The following SPOCK1 variants were observed in gnomAD, a reference collection of about 807,000 sequenced individuals.
SPOCK1 encodes testican-1.
In SPOCK1, 23 loss-of-function variants were observed where a neutral mutation model predicts 55.3. The ratio of observed to expected loss-of-function variants is 0.42; its 90% CI spans 0.30 to 0.59. The LOEUF (loss-of-function observed/expected upper bound fraction) is 0.59, where lower values mean the gene tolerates loss of function less well. SPOCK1 is among the 20% of genes least tolerant of loss of function. SPOCK1 has a pLI of 0.22. For synonymous variants in SPOCK1, 226 were observed against 221.0 expected (o/e 1.02, Z -0.20); for missense variants, 499 against 552.5 (o/e 0.90, Z 0.97).
intron 3 of SPOCK1, among the ~76,000 whole-genome samples, chr5:137,244,240 T>C (rs1756351909): frequency 6.6e-6 from 1 of 152,234 alleles, no homozygotes. Flanking sequence ...AAGAGTCTGC[T>C]AGTGGCACAG....
intron 2 of SPOCK1, among the ~76,000 whole-genome samples, chr5:137,327,681 G>T (rs1041534394): frequency 6.6e-6 from 1 of 152,130 alleles, no homozygotes. Flanking sequence ...CTCAGACAAA[G>T]CAAATAACCA....
chr5:137,048,865 G>A (rs1477264319), intron 6 of SPOCK1, among the ~76,000 whole-genome samples: 1 of 74,414 alleles, frequency 1.3e-5, no homozygotes, highest in Non-Finnish European at 2.6e-5. Context: ...GCATTTGCTT[G>A]TCTATAAAGT....
intron 5 of SPOCK1, among the ~76,000 whole-genome samples, chr5:137,094,222 C>A (rs1229801239): frequency 1.3e-5 from 2 of 152,122 alleles, no homozygotes; most frequent in Non-Finnish European, 2.9e-5. Context: ...AAATCAGGAG[C>A]TCTGTTTTGG....
intron 3 of SPOCK1, among the ~76,000 whole-genome samples, chr5:137,211,353 C>A (rs976333954): frequency 2.0e-5 from 3 of 152,138 alleles, no homozygotes; most frequent in African/African-American, 7.2e-5. Context: ...AAATACAGGG[C>A]ACCTACCTCA....
chr5:137,475,364 T>A (rs1301549990), intron 2 of SPOCK1, among the ~76,000 whole-genome samples: 1 of 152,036 alleles, frequency 6.6e-6, no homozygotes, highest in Admixed American at 6.6e-5. Context: ...AAATTCAATA[T>A]CTCACAGATC....
intron 3 of SPOCK1, among the ~76,000 whole-genome samples, chr5:137,260,432 T>C (rs1407305902): frequency 6.6e-6 from 1 of 152,160 alleles, no homozygotes; most frequent in Non-Finnish European, 1.5e-5. Flanking sequence ...AATAAACAGA[T>C]TAGAGAGGGA....
chr5:137,447,834 C>T (rs11948441), intron 2 of SPOCK1, among the ~76,000 whole-genome samples: 42,838 of 152,162 alleles, frequency 0.28, 6,100 homozygotes, highest in Middle Eastern at 0.36. Flanking sequence ...AAAACATCAG[C>T]AACCTCGAGG....
At chr5:137,394,924 A>T (rs17171382) in intron 2 of SPOCK1, among the ~76,000 whole-genome samples, 27,390 of 152,174 alleles carry the variant, frequency 0.18, 2,931 homozygotes, top group African/African-American at 0.28. Context: ...GTACAATGTT[A>T]CTCAGGGAAA....
chr5:137,378,755 T>C (rs185809142), intron 2 of SPOCK1, among the ~76,000 whole-genome samples: 5 of 152,314 alleles, frequency 3.3e-5, no homozygotes, highest in Non-Finnish European at 5.9e-5. Flanking sequence ...CTGTTTTATA[T>C]AGACTAGCTA....
rs368399679 is a variant in SPOCK1, at chr5:137,410,643, C to T, written c.186+87730G>A. Among the ~76,000 whole-genome samples the T allele has an allele frequency of 2.0e-5, 3 of 152,356 alleles. No individual in the cohort carries two copies. The East Asian group carries it at 5.8e-4, about 29-fold the overall frequency. On this transcript the variant is annotated intron_variant, in intron 2 of 10. Transcript: ENST00000394945. ...TATTAAATAGGGACTGCACCCCACG[C>T]CACTGGACAGCTCTCTTTGCCTATG...
At chr5:137,362,592 C>T (rs1229709) in intron 2 of SPOCK1, among the ~76,000 whole-genome samples, 108,090 of 151,800 alleles carry the variant, frequency 0.71, 38,908 homozygotes, top group East Asian at 0.87. Flanking sequence ...CCTCCCAAAG[C>T]GCTGAGATTA....
At chr5:137,042,834 T>C (rs543581791) in intron 6 of SPOCK1, among the ~76,000 whole-genome samples, 1 of 152,266 alleles carries the variant, frequency 6.6e-6, no homozygotes, top group East Asian at 1.9e-4. Flanking sequence ...GAATAATTTA[T>C]AAATGTATGT....
At chr5:137,239,432 G>A (rs895862407) in intron 3 of SPOCK1, among the ~76,000 whole-genome samples, 5 of 152,136 alleles carry the variant, frequency 3.3e-5, no homozygotes, top group African/African-American at 7.2e-5. Context: ...ACCTGGCACC[G>A]TGACCCATTA....
intron 2 of SPOCK1, among the ~76,000 whole-genome samples, chr5:137,380,328 C>G (rs1263204023): frequency 6.6e-6 from 1 of 152,168 alleles, no homozygotes; most frequent in African/African-American, 2.4e-5. Flanking sequence ...ACAATAGCTT[C>G]TGGGTACATT....
intron 4 of SPOCK1, among the ~76,000 whole-genome samples, chr5:137,122,147 G>T (rs2905968): frequency 1.3e-5 from 2 of 151,566 alleles, no homozygotes; most frequent in African/African-American, 2.4e-5. Context: ...GTAACACTAA[G>T]GGTATCTGTG....
chr5:137,363,220 A>G (rs1750988605), intron 2 of SPOCK1, among the ~76,000 whole-genome samples: 2 of 152,192 alleles, frequency 1.3e-5, no homozygotes, highest in Non-Finnish European at 2.9e-5. Context: ...TCCCCAATAC[A>G]AGTATGTCCC....
chr5:137,194,633 C>T (rs781126909), intron 3 of SPOCK1, among the ~76,000 whole-genome samples: 6 of 152,122 alleles, frequency 3.9e-5, no homozygotes, highest in Non-Finnish European at 8.8e-5. Context: ...AGTCTTCCTC[C>T]CCTCCTCCAA....
intron 2 of SPOCK1, among the ~76,000 whole-genome samples, chr5:137,306,555 T>C (rs751659036): frequency 6.6e-6 from 1 of 152,214 alleles, no homozygotes; most frequent in Non-Finnish European, 1.5e-5. Context: ...GAGGAAAGAC[T>C]GAATTATCTT....
chr5:137,251,048 G>A (rs1460272509), intron 3 of SPOCK1, among the ~76,000 whole-genome samples: 1 of 152,124 alleles, frequency 6.6e-6, no homozygotes, highest in African/African-American at 2.4e-5. Flanking sequence ...ATCAACCAGA[G>A]GGCTTGTTTC....
Sources: gnomAD v4.1 joint callset for allele counts (sites outside exome capture counted in the v4.1 genomes callset) on GRCh38, gnomAD v4.1.1 for gene constraint, MANE v1.5 for transcripts, NCBI Gene and HGNC (gene_info 2026-07-23, HGNC 2026-07-21) for gene names.